COL11A1: variants seen among roughly 807,000 people sequenced by gnomAD.
The protein encoded by COL11A1 is collagen type XI alpha 1 chain.
In COL11A1, 74 loss-of-function variants were observed where a neutral mutation model predicts 265.2. That is an observed-to-expected ratio of 0.28 (90% CI 0.23 to 0.34). COL11A1 has a LOEUF of 0.34. COL11A1 is among the 10% of genes least tolerant of loss of function. The probability of loss-of-function intolerance (pLI) is 1.00; values close to 1 mark genes in which losing one functional copy is unlikely to be tolerated. For synonymous variants in COL11A1, 816 were observed against 727.6 expected (o/e 1.12, Z -1.96); for missense variants, 2,165 against 2,263.6 (o/e 0.96, Z 0.88).
At chr1:102,883,806 T>G (rs1650577870) in intron 63 of COL11A1, among the ~76,000 whole-genome samples, 1 of 146,302 alleles carries the variant, frequency 6.8e-6, no homozygotes, top group Non-Finnish European at 1.5e-5. Context: ...TGCCTTATTT[T>G]ATAAAAAAAA....
intron 2 of COL11A1, among the ~76,000 whole-genome samples, chr1:103,081,121 A>C (rs1672379251): frequency 6.6e-6 from 1 of 151,948 alleles, no homozygotes; most frequent in South Asian, 2.1e-4. Flanking sequence ...TAAAGAAAGC[A>C]GTCAGATAAT....
intron 3 of COL11A1, among the ~76,000 whole-genome samples, chr1:103,077,195 A>T (rs996719880): frequency 5.3e-5 from 8 of 152,222 alleles, no homozygotes; most frequent in Admixed American, 1.3e-4. Context: ...TCAATTAAAA[A>T]TATTTATTGA....
chr1:103,107,810 G>T (rs553182193), intron 1 of COL11A1, among the ~76,000 whole-genome samples: 1 of 151,998 alleles, frequency 6.6e-6, no homozygotes, highest in Admixed American at 6.5e-5. Flanking sequence ...AGTGGTGAAG[G>T]GCATTTTCAG....
chr1:103,105,763 G>T (rs1188306547), intron 1 of COL11A1, among the ~76,000 whole-genome samples: 4 of 152,088 alleles, frequency 2.6e-5, no homozygotes, highest in Non-Finnish European at 5.9e-5. Context: ...CCCTTGTGTG[G>T]TGATTCAGGA....
intron 4 of COL11A1, among the ~76,000 whole-genome samples, chr1:103,065,451 C>T (rs1293993307): frequency 1.0e-4 from 13 of 130,164 alleles, no homozygotes; most frequent in Non-Finnish European, 1.9e-4. Context: ...ACCCGGGAGG[C>T]GGAGCTTGCA....
At chr1:102,884,594 A>C (rs1650714835) in intron 63 of COL11A1, 1 of 152,220 alleles carries the variant, frequency 6.6e-6, no homozygotes, top group Non-Finnish European at 1.5e-5. Flanking sequence ...CTCTGGGAAC[A>C]CTAAACTGAC....
intron 42 of COL11A1, among the ~76,000 whole-genome samples, chr1:102,945,833 A>G (rs1570816937): frequency 6.6e-6 from 1 of 152,144 alleles, no homozygotes; most frequent in Non-Finnish European, 1.5e-5. Context: ...CTGAGTATAT[A>G]CCCAAAGGAC....
chr1:102,978,616 T>C (rs1345818372), intron 35 of COL11A1, 92 bp downstream of exon 35: 5 of 1,331,220 alleles, frequency 3.8e-6, no homozygotes, highest in Non-Finnish European at 5.4e-6. Flanking sequence ...GACATGCACA[T>C]GTATTAGCAG....
At chr1:102,947,149 A>C (rs1379344788) in intron 41 of COL11A1, among the ~76,000 whole-genome samples, 193 bp from the exon 42 acceptor site, 1 of 152,182 alleles carries the variant, frequency 6.6e-6, no homozygotes, top group Non-Finnish European at 1.5e-5. Context: ...CCCCAATATT[A>C]AGCATAGATG....
At chr1:102,952,624 T>C (rs1050150173) in intron 41 of COL11A1, among the ~76,000 whole-genome samples, 1 of 152,218 alleles carries the variant, frequency 6.6e-6, no homozygotes, top group Non-Finnish European at 1.5e-5. Flanking sequence ...GGAATGTATA[T>C]CCATGCCCTA....
rs1663915360 is a variant in COL11A1, at chr1:102,989,527, T to G, written c.2385A>C (p.Lys795Asn). Residue 795 changes from lysine (K) to asparagine (N), a missense_variant, in exon 29 of 67, where the codon AAA (lysine) becomes AAC (asparagine). Transcript: ENST00000370096. Reference sequence around the variant, plus strand: ...TTTTCTCTATACTTACTCTGTCACCTTTTAGACCCATGTCACCTTTGAATC... The same window carrying G: ...TTTTCTCTATACTTACTCTGTCACCGTTTAGACCCATGTCACCTTTGAATC... ...FPGFKGDMGL[K>N]GDRGEVGQIG... 1 of 1,608,794 alleles carries G rather than the reference T, an allele frequency of 6.2e-7. No individual in the cohort carries two copies. Among genetic ancestry groups the G allele is most frequent in the East Asian group, 2.2e-5 (1 of 44,712 alleles).
chr1:103,098,937 G>T (rs1052140762), intron 1 of COL11A1, among the ~76,000 whole-genome samples: 6 of 151,780 alleles, frequency 4.0e-5, no homozygotes, highest in African/African-American at 1.2e-4. Context: ...AATATCAGCA[G>T]AAATTGGTTC....
In COL11A1 at chr1:103,004,466, G is replaced by C. The variant is rs888296694; in HGVS notation, c.1922C>G (p.Pro641Arg). The C allele has an allele frequency of 6.2e-7, 1 of 1,611,608 alleles. No individual in the cohort carries two copies. ...TACAGCTTCACCTGGAAGACCTCTT[G>C]GTCCAATTTCTCCATCTTCTCCCTG... is the stretch of plus-strand genomic sequence containing the variant. ...GMRGEDGEIG[P>R]RGLPGEAGPR... is the part of the protein sequence containing the mutation. The change falls in exon 20 of 67, where the codon CCA becomes CGA. Residue 641 changes from proline to arginine, a missense_variant. Coordinates refer to ENST00000370096, the MANE Select transcript of COL11A1 (RefSeq NM_001854.4).
intron 14 of COL11A1, among the ~76,000 whole-genome samples, chr1:103,011,508 A>G (rs1416895176): frequency 6.6e-6 from 1 of 152,078 alleles, no homozygotes; most frequent in Non-Finnish European, 1.5e-5. Context: ...AAGGAAATCT[A>G]CATAATAAAA....
At position 103,082,992 on chromosome 1, in the gene COL11A1, TA is replaced by T. The variant is rs757697961; in HGVS notation, c.107-21del. 2.9e-5 allele frequency: 46 copies of T among 1,610,626 alleles called. No homozygotes were observed. The Admixed American group carries it at 5.9e-4, about 20-fold the overall frequency. ...GAGCAGCTGAAAAATAAGCAAACAA[TA>T]AAAAACCAGAATTGAACAACGATCT... On this transcript the variant is annotated intron_variant, in intron 1 of 66. Coordinates refer to ENST00000370096, the MANE Select transcript of COL11A1 (RefSeq NM_001854.4).
chr1:103,033,793 A>G (rs566910713), intron 4 of COL11A1, among the ~76,000 whole-genome samples: 2 of 152,098 alleles, frequency 1.3e-5, no homozygotes, highest in South Asian at 2.1e-4. Flanking sequence ...AAATATGGGA[A>G]TGTCTTAATT....
At chr1:102,994,058 G>A (rs1664389622) in intron 28 of COL11A1, among the ~76,000 whole-genome samples, 1 of 152,048 alleles carries the variant, frequency 6.6e-6, no homozygotes. Flanking sequence ...TTTACTTTTA[G>A]TATATAACAG....
intron 15 of COL11A1, among the ~76,000 whole-genome samples, chr1:103,006,526 A>ATTCTTTTTTT (rs1665631102): frequency 1.2e-5 from 1 of 82,862 alleles, no homozygotes. Context: ...AAATGGCTCC[A>ATTCTTTTTTT]TTTTTTTTTT....
intron 58 of COL11A1, 151 bp from the exon 59 acceptor site, chr1:102,889,713 C>T: frequency 1.5e-6 from 1 of 660,084 alleles, no homozygotes; most frequent in Admixed American, 2.5e-5. Context: ...ATGAAATATA[C>T]AGTTAAGAAT....
Sources: allele counts gnomAD v4.1 joint callset (sites outside exome capture counted in the v4.1 genomes callset), GRCh38; gene constraint gnomAD v4.1.1; transcripts MANE v1.5; gene names NCBI Gene and HGNC (gene_info 2026-07-23, HGNC 2026-07-21).